ARHGAP24: variants seen among roughly 807,000 people sequenced by gnomAD.
ARHGAP24 encodes the protein Rho GTPase activating protein 24.
ARHGAP24 carries 50 observed loss-of-function variants against 76.4 expected under a neutral mutation model. That is an observed-to-expected ratio of 0.65 (90% confidence interval 0.52 to 0.83). ARHGAP24 has a LOEUF of 0.83. Ranked by LOEUF, ARHGAP24 falls within the 40% of genes least tolerant of loss-of-function variation. ARHGAP24 has a pLI of 0.00. For missense variants in ARHGAP24, 930 were observed against 914.2 expected (o/e 1.02, Z -0.22); for synonymous variants, 345 against 323.3 (o/e 1.07, Z -0.72).
Position 85,570,524 on chromosome 4 carries a change from A to G in ARHGAP24, c.-18A>G, listed in dbSNP as rs1727097543. 3 of 1,613,534 alleles carry G rather than the reference A, an allele frequency of 1.9e-6. No homozygotes were observed. The highest frequency in any genetic ancestry group is 4.5e-5 in the East Asian group (2 of 44,840). On this transcript the variant is annotated splice_region_variant and 5_prime_UTR_variant, in exon 2 of 10. Coordinates refer to ENST00000395184, the MANE Select transcript of ARHGAP24 (RefSeq NM_001025616.3). ...CTTTCTTTTTGTTTGCTAACTAGGA[A>G]AGTCCATCAGCTTGATAATGGAGGA... is the stretch of plus-strand genomic sequence containing the variant.
At chr4:85,564,943 T>C (rs1578040265) in intron 1 of ARHGAP24, among the ~76,000 whole-genome samples, 1 of 100,888 alleles carries the variant, frequency 9.9e-6, no homozygotes, top group Non-Finnish European at 1.9e-5. Flanking sequence ...TATATATATA[T>C]ATATATATAT....
chr4:85,595,224 A>G (rs1411978741), intron 2 of ARHGAP24, among the ~76,000 whole-genome samples: 1 of 152,112 alleles, frequency 6.6e-6, no homozygotes, highest in Non-Finnish European at 1.5e-5. Context: ...GGAACATATC[A>G]GGCATTGGAA....
chr4:85,552,634 A>T (rs78327527), intron 1 of ARHGAP24, among the ~76,000 whole-genome samples: 8,286 of 152,068 alleles, frequency 0.054, 554 homozygotes, highest in African/African-American at 0.16. Context: ...ATCTCCCGTG[A>T]TTATTGTGTA....
intron 4 of ARHGAP24, among the ~76,000 whole-genome samples, chr4:85,939,755 T>G (rs1450554585): frequency 6.6e-6 from 1 of 152,180 alleles, no homozygotes; most frequent in South Asian, 2.1e-4. Flanking sequence ...TGTTTTTCAT[T>G]ACCGTACAAA....
At chr4:85,767,101 T>C (rs1235709354) in intron 3 of ARHGAP24, among the ~76,000 whole-genome samples, 2 of 152,144 alleles carry the variant, frequency 1.3e-5, no homozygotes, top group African/African-American at 4.8e-5. Flanking sequence ...GGCTATACTA[T>C]CTAAGTTTGT....
intron 3 of ARHGAP24, among the ~76,000 whole-genome samples, chr4:85,881,009 T>G (rs961696457): frequency 4.6e-5 from 7 of 152,208 alleles, no homozygotes; most frequent in African/African-American, 1.7e-4. Context: ...GATTTATGGC[T>G]TCTTTTTGGC....
chr4:85,482,594 G>A (rs1269549853), intron 1 of ARHGAP24, among the ~76,000 whole-genome samples: 1 of 152,286 alleles, frequency 6.6e-6, no homozygotes, highest in African/African-American at 2.4e-5. Context: ...AAGAAATCAG[G>A]AGAAAAGGCA....
chr4:85,841,833 A>G (rs1234454431), intron 3 of ARHGAP24, among the ~76,000 whole-genome samples: 1 of 152,212 alleles, frequency 6.6e-6, no homozygotes, highest in African/African-American at 2.4e-5. Context: ...TCATCAGAGA[A>G]GTGTATATTC....
At position 85,598,597 on chromosome 4, in the gene ARHGAP24, G is replaced by A. The variant is rs1415442610; in HGVS notation, c.180+27876G>A. ...TTATTTGAAAATAATAAGATGAATA[G>A]GATCAATAAAGGAATTGAATAGTGT... On this transcript the variant is annotated intron_variant, in intron 2 of 9. Transcript: ENST00000395184. Among the ~76,000 whole-genome samples, 6 of 151,992 alleles carry A rather than the reference G, an allele frequency of 3.9e-5. No homozygotes were observed. In the South Asian group the frequency reaches 6.2e-4, roughly 16 times the overall value.
At chr4:85,931,088 A>G in intron 4 of ARHGAP24, 1 of 1,545,922 alleles carries the variant, frequency 6.5e-7, no homozygotes, top group Non-Finnish European at 8.8e-7. Flanking sequence ...TATAAATAAT[A>G]TTATCTTAGG....
chr4:85,763,344 A>G (rs1044800183), intron 3 of ARHGAP24, among the ~76,000 whole-genome samples: 1 of 152,158 alleles, frequency 6.6e-6, no homozygotes, highest in Non-Finnish European at 1.5e-5. Flanking sequence ...GCGCTTACAT[A>G]AACAGCTGTG....
intron 2 of ARHGAP24, among the ~76,000 whole-genome samples, chr4:85,606,336 AC>A (rs1376796545): frequency 1.4e-4 from 21 of 152,006 alleles, no homozygotes; most frequent in Non-Finnish European, 2.9e-4. Context: ...ACACAGCGAA[AC>A]CCTGTCTCTA....
At chr4:85,955,375 C>G (rs952094601) in intron 5 of ARHGAP24, among the ~76,000 whole-genome samples, 23 of 152,004 alleles carry the variant, frequency 1.5e-4, no homozygotes, top group Admixed American at 2.6e-4. Flanking sequence ...AACTGGGTAG[C>G]TAAAAACAAA....
intron 2 of ARHGAP24, among the ~76,000 whole-genome samples, chr4:85,626,102 A>G (rs938643398): frequency 5.9e-5 from 9 of 152,238 alleles, no homozygotes; most frequent in African/African-American, 1.9e-4. Flanking sequence ...TGTGAATTTG[A>G]TCCTGTCATT....
At chr4:85,871,912 A>T (rs953253873) in intron 3 of ARHGAP24, among the ~76,000 whole-genome samples, 2 of 152,128 alleles carry the variant, frequency 1.3e-5, no homozygotes. Context: ...ATATGCTAAG[A>T]TAAGGATAAG....
At chr4:85,997,986 G>GT (rs1426265955) in intron 9 of ARHGAP24, among the ~76,000 whole-genome samples, 1 of 152,056 alleles carries the variant, frequency 6.6e-6, no homozygotes, top group Non-Finnish European at 1.5e-5. Flanking sequence ...AGGAAATATT[G>GT]TATTGTGGTC....
chr4:85,682,583 A>T (rs1723246635), intron 2 of ARHGAP24, among the ~76,000 whole-genome samples: 1 of 152,244 alleles, frequency 6.6e-6, no homozygotes, highest in Admixed American at 6.5e-5. Context: ...CAGAATCATC[A>T]GTTTAGCCTC....
intron 2 of ARHGAP24, among the ~76,000 whole-genome samples, chr4:85,603,994 A>G (rs1720113914): frequency 6.6e-6 from 1 of 152,216 alleles, no homozygotes; most frequent in Admixed American, 6.5e-5. Flanking sequence ...TAGAATTGCT[A>G]AAAATGTTTG....
At chr4:85,907,405 G>T (rs552000376) in intron 3 of ARHGAP24, among the ~76,000 whole-genome samples, 2 of 152,212 alleles carry the variant, frequency 1.3e-5, no homozygotes, top group South Asian at 2.1e-4. Flanking sequence ...AGGAAAAGAC[G>T]TATTATCTTG....
Sources: gnomAD v4.1 joint callset for allele counts (sites outside exome capture counted in the v4.1 genomes callset) on GRCh38, gnomAD v4.1.1 for gene constraint, MANE v1.5 for transcripts, NCBI Gene and HGNC (gene_info 2026-07-23, HGNC 2026-07-21) for gene names.